CDKL5: variants seen among roughly 807,000 people sequenced by gnomAD.
CDKL5 encodes the protein cyclin dependent kinase like 5.
In CDKL5, 8 loss-of-function variants were observed where a neutral mutation model predicts 61.7. That is an observed-to-expected ratio of 0.13 (90% CI 0.08 to 0.23). The LOEUF is 0.23. Ranked by LOEUF, CDKL5 falls within the 10% of genes least tolerant of loss-of-function variation. The pLI is 1.00. For missense variants in CDKL5, 440 were observed against 734.5 expected, an observed-to-expected ratio of 0.60 and a Z score of 4.63; for synonymous variants, 275 against 272.3, an observed-to-expected ratio of 1.01 and a Z score of -0.10.
intron 7 of CDKL5, 34 bp from the exon 8 acceptor site, chrX:18,584,229 C>A: frequency 1.0e-6 from 1 of 982,409 alleles, no homozygotes; most frequent in Non-Finnish European, 1.5e-6. Flanking sequence ...ATTTCTTTTT[C>A]AAAGTTACAA....
At chrX:18,546,630 C>T (rs577891674) in intron 3 of CDKL5, among the ~76,000 whole-genome samples, 2 of 111,943 alleles carry the variant, frequency 1.8e-5, no homozygotes, top group African/African-American at 6.5e-5. Context: ...CTGTAAGTTT[C>T]ATCAGAGGTA....
chrX:18,598,381 T>A (rs768625307), intron 10 of CDKL5, 81 bp from the exon 11 acceptor site: 6 of 787,267 alleles, frequency 7.6e-6, no homozygotes, highest in African/African-American at 6.3e-5. Flanking sequence ...ATTTCTTTTA[T>A]AAGGAAAAAA....
chrX:18,442,631 C>A (rs1473844802), intron 1 of CDKL5, among the ~76,000 whole-genome samples: 1 of 110,954 alleles, frequency 9.0e-6, no homozygotes, highest in Non-Finnish European at 1.9e-5. Context: ...GTAGCTGGGA[C>A]TACAGGTGCC....
rs377050783 is a variant in CDKL5 at position 18,616,594 on chromosome X, G to A, written c.2277-3273G>A. Reference sequence around the variant, plus strand: ...GAGCCGACATTACGCCATTGCACTCGAGCCTGGGCAACAAGAGCGAAACTC... The same window carrying A: ...GAGCCGACATTACGCCATTGCACTCAAGCCTGGGCAACAAGAGCGAAACTC... On this transcript the variant is annotated intron_variant, in intron 15 of 17. Transcript: ENST00000623535. Among the ~76,000 whole-genome samples the A allele has an allele frequency of 1.6e-4, 17 of 107,016 alleles. No individual in the cohort carries two copies. The East Asian group carries it at 3.5e-3, about 22-fold the overall frequency. 92.9% of individuals were successfully genotyped at this position (107,016 alleles called of 115,157 possible).
chrX:18,525,377 G>A (rs749182887), intron 3 of CDKL5, among the ~76,000 whole-genome samples: 3 of 111,899 alleles, frequency 2.7e-5, no homozygotes, highest in Non-Finnish European at 5.6e-5. Context: ...GGGACTACAG[G>A]CGTGAGCCAC....
At chrX:18,464,607 G>A in intron 1 of CDKL5, among the ~76,000 whole-genome samples, 1 of 111,153 alleles carries the variant, frequency 9.0e-6, no homozygotes, top group Non-Finnish European at 1.9e-5. Flanking sequence ...AGTGAAGCAT[G>A]GCAAACACTT....
intron 4 of CDKL5, among the ~76,000 whole-genome samples, chrX:18,571,145 A>G (rs1925123552): frequency 1.8e-5 from 2 of 111,468 alleles, no homozygotes; most frequent in East Asian, 2.8e-4. Context: ...TCAAAGTTGC[A>G]TAGCGTGTAT....
intron 1 of CDKL5, among the ~76,000 whole-genome samples, chrX:18,486,726 G>T (rs1921805959): frequency 8.9e-6 from 1 of 111,867 alleles, no homozygotes; most frequent in South Asian, 3.7e-4. Flanking sequence ...GCAAATTTAT[G>T]ACATGATTGG....
intron 20 of CDKL5, among the ~76,000 whole-genome samples, chrX:18,646,520 C>T (rs1228337796): frequency 2.7e-5 from 3 of 112,474 alleles, no homozygotes; most frequent in Non-Finnish European, 5.6e-5. Context: ...CTTTGGTGCT[C>T]TTTGTTACAA....
chrX:18,560,202 C>T (rs184511549), intron 3 of CDKL5, among the ~76,000 whole-genome samples: 2 of 111,684 alleles, frequency 1.8e-5, no homozygotes, highest in African/African-American at 3.2e-5. Flanking sequence ...CCTAAGGAAT[C>T]GCCACACTAA....
rs756937380 is a variant in CDKL5 at position 18,475,412 on chromosome X, A to G, written c.-162-31523A>G. Among the ~76,000 whole-genome samples, 15 of 110,616 alleles carry G rather than the reference A, an allele frequency of 1.4e-4. No individual in the cohort carries two copies. In the South Asian group the frequency reaches 5.7e-3, roughly 42 times the overall value. ...TGGGCACAAGCGATCCTCCCACCTC[A>G]GCCTCCTGAGTAGCTGGGACCACAG... On this transcript the variant is annotated intron_variant, in intron 1 of 17. Transcript: ENST00000623535.
rs754311472 is a variant in CDKL5 at position 18,632,371 on chromosome X, G to A, written c.*3614G>A. On this transcript the variant is annotated 3_prime_UTR_variant, in exon 18 of 18. Coordinates refer to ENST00000623535, the MANE Select transcript of CDKL5 (RefSeq NM_001323289.2). Reference sequence around the variant, plus strand: ...GCATCCTTAGAAAATCTTTCATAGAGCCATGAGGCTTATATTTAGAAGCAA... The same window carrying A: ...GCATCCTTAGAAAATCTTTCATAGAACCATGAGGCTTATATTTAGAAGCAA... 1 of 752,721 alleles carries A rather than the reference G, an allele frequency of 1.3e-6. No homozygotes were observed. Among genetic ancestry groups the A allele is most frequent in the South Asian group, 6.8e-5 (1 of 14,712 alleles). 62.0% of individuals were successfully genotyped at this position (752,721 alleles called of 1,213,427 possible). A position where few individuals can be genotyped will look rare whatever the true frequency, so the allele number is the denominator to read the frequency against.
At chrX:18,441,280 G>C (rs965753257) in intron 1 of CDKL5, among the ~76,000 whole-genome samples, 1 of 110,693 alleles carries the variant, frequency 9.0e-6, no homozygotes, top group African/African-American at 3.3e-5. Flanking sequence ...GCTGGGTGTG[G>C]TGGCACACAC....
intron 5 of CDKL5, 43 bp downstream of exon 5, chrX:18,575,533 T>C (rs1290360427): frequency 8.9e-7 from 1 of 1,129,232 alleles, no homozygotes; most frequent in Admixed American, 2.2e-5. Flanking sequence ...CCGATTCTTT[T>C]ATTTAAGGCT....
At chrX:18,591,890 C>T (rs769045690) in intron 9 of CDKL5, among the ~76,000 whole-genome samples, 2 of 112,155 alleles carry the variant, frequency 1.8e-5, no homozygotes, top group East Asian at 5.6e-4. Context: ...TCTTTTGTAG[C>T]ACCCATTGCA....
intron 3 of CDKL5, among the ~76,000 whole-genome samples, chrX:18,513,278 A>G (rs1252370630): frequency 9.0e-6 from 1 of 111,481 alleles, no homozygotes; most frequent in Non-Finnish European, 1.9e-5. Flanking sequence ...CTGGTTCTCA[A>G]AACACACACT....
rs77572817 is a variant in CDKL5, at chrX:18,450,873, C to T, written c.-163+25178C>T. ...TACAGGTGTGAGCCACTGTGCCCGG[C>T]CTTTTTTTTTTTTTTTAACATGCTG... On this transcript the variant is annotated intron_variant, in intron 1 of 17. Transcript: ENST00000623535. Among the ~76,000 whole-genome samples the T allele has an allele frequency of 1.9e-4, 21 of 108,707 alleles. No individual in the cohort carries two copies. In the South Asian group the frequency reaches 7.0e-3, roughly 36 times the overall value. The allele number at this position is 108,707 out of a possible 115,157, so 94.4% of individuals were successfully genotyped here. A position where few individuals can be genotyped will look rare whatever the true frequency, so the allele number is the denominator to read the frequency against.
At chrX:18,561,787 C>G (rs190450649) in intron 3 of CDKL5, among the ~76,000 whole-genome samples, 1 of 110,450 alleles carries the variant, frequency 9.1e-6, no homozygotes, top group Admixed American at 9.7e-5. Context: ...TGGATTCCCT[C>G]AACATGTCAT....
chrX:18,497,685 T>C (rs1426323453), intron 1 of CDKL5, among the ~76,000 whole-genome samples: 1 of 111,738 alleles, frequency 8.9e-6, no homozygotes, highest in African/African-American at 3.3e-5. Flanking sequence ...GTATATACTC[T>C]AATGAACAAT....
Sources: allele counts gnomAD v4.1 joint callset (sites outside exome capture counted in the v4.1 genomes callset), GRCh38; gene constraint gnomAD v4.1.1; transcripts MANE v1.5; gene names NCBI Gene and HGNC (gene_info 2026-07-23, HGNC 2026-07-21).